Variants in CTNNA2 observed in about 807,000 individuals in gnomAD.
The protein encoded by CTNNA2 is catenin alpha-2.
Under a neutral mutation model 101.0 loss-of-function variants are expected in CTNNA2, and 42 were observed. That is an observed-to-expected ratio of 0.42 (90% confidence interval 0.32 to 0.54). The LOEUF (loss-of-function observed/expected upper bound fraction) is 0.54, where lower values mean the gene tolerates loss of function less well. Ranked by LOEUF, CTNNA2 falls within the 20% of genes least tolerant of loss-of-function variation. The pLI, the probability that CTNNA2 is intolerant of heterozygous loss-of-function variation, is 0.14. For missense variants in CTNNA2, 871 were observed against 1,223.1 expected (o/e 0.71, Z 4.29); for synonymous variants, 450 against 456.4 (o/e 0.99, Z 0.18).
At position 79,241,862 on chromosome 2, in the gene CTNNA2, C is replaced by T. The variant is rs185079477; in HGVS notation, c.-406+43786C>T. Among the ~76,000 whole-genome samples, 543 of 151,846 alleles carry T rather than the reference C, an allele frequency of 3.6e-3. 5 individuals are homozygous for T. Among genetic ancestry groups the T allele is most frequent in the African/African-American group, 0.012 (505 of 41,428 alleles). On this transcript the variant is annotated intron_variant, in intron 2 of 21. Transcript: ENST00000466387. ...GTTAGGAGACTAACACCTATAAAAA[C>T]AGCATCGAATCACATTTGGGTATTT...
At chr2:80,462,828 T>C (rs1180841580) in intron 9 of CTNNA2, among the ~76,000 whole-genome samples, 1 of 152,074 alleles carries the variant, frequency 6.6e-6, no homozygotes, top group Non-Finnish European at 1.5e-5. Context: ...GGTTTCTTTC[T>C]TGTCTTGGAG....
intron 18 of CTNNA2, among the ~76,000 whole-genome samples, chr2:80,629,387 T>C (rs1672039544): frequency 6.6e-6 from 1 of 152,176 alleles, no homozygotes; most frequent in Non-Finnish European, 1.5e-5. Flanking sequence ...CATTTCACTC[T>C]GTAAAACGAA....
chr2:80,289,167 A>G (rs1213082456), intron 7 of CTNNA2: 2 of 152,160 alleles, frequency 1.3e-5, no homozygotes, highest in Non-Finnish European at 2.9e-5. Context: ...TCAGAGAAGG[A>G]GGACTGGGGA....
intron 9 of CTNNA2, among the ~76,000 whole-genome samples, chr2:80,453,062 G>A (rs1265140269): frequency 6.6e-6 from 1 of 152,140 alleles, no homozygotes; most frequent in Non-Finnish European, 1.5e-5. Context: ...GCCACACCCA[G>A]TGGGAATTTG....
At chr2:79,621,928 G>C (rs1264594483) in intron 1 of CTNNA2, among the ~76,000 whole-genome samples, 1 of 152,116 alleles carries the variant, frequency 6.6e-6, no homozygotes, top group Non-Finnish European at 1.5e-5. Context: ...CAAAATACCT[G>C]ATGAGTATTT....
intron 3 of CTNNA2, among the ~76,000 whole-genome samples, chr2:79,317,306 G>A (rs1036475318): frequency 6.6e-6 from 1 of 151,982 alleles, no homozygotes; most frequent in Admixed American, 6.6e-5. Flanking sequence ...GATTCAGTTT[G>A]CTACTCTTTT....
chr2:79,505,271 T>G (rs1343763415), intron 5 of CTNNA2: 1 of 152,244 alleles, frequency 6.6e-6, no homozygotes, highest in Non-Finnish European at 1.5e-5. Flanking sequence ...CATTTTTTCT[T>G]CTTCACTCTC....
intron 7 of CTNNA2, among the ~76,000 whole-genome samples, chr2:80,251,062 CTTTAA>C (rs1394456840): frequency 6.6e-6 from 1 of 152,064 alleles, no homozygotes; most frequent in Non-Finnish European, 1.5e-5. Flanking sequence ...CATTTTTATA[CTTTAA>C]TTTTAGTCAT....
intron 11 of CTNNA2, among the ~76,000 whole-genome samples, chr2:80,551,275 G>A (rs878950880): frequency 2.6e-5 from 4 of 152,294 alleles, no homozygotes; most frequent in Admixed American, 2.6e-4. Context: ...ATAGAGCACA[G>A]GCAGAGTAGA....
At chr2:79,554,955 T>G (rs1235772196) in intron 1 of CTNNA2, among the ~76,000 whole-genome samples, 1 of 152,206 alleles carries the variant, frequency 6.6e-6, no homozygotes, top group Non-Finnish European at 1.5e-5. Context: ...AAATGCCATT[T>G]AGCAGCCATT....
At chr2:80,135,508 C>T (rs1015826243) in intron 7 of CTNNA2, among the ~76,000 whole-genome samples, 21 of 152,170 alleles carry the variant, frequency 1.4e-4, no homozygotes, top group African/African-American at 5.1e-4. Context: ...TGAGGTTGGG[C>T]AGATGTCCCA....
chr2:80,071,311 G>A (rs1698325942), intron 7 of CTNNA2, among the ~76,000 whole-genome samples: 1 of 152,202 alleles, frequency 6.6e-6, no homozygotes, highest in Non-Finnish European at 1.5e-5. Flanking sequence ...AAGTTTTGCT[G>A]AAATATACCT....
chr2:80,263,680 A>G (rs936943586), intron 7 of CTNNA2, among the ~76,000 whole-genome samples: 1 of 152,350 alleles, frequency 6.6e-6, no homozygotes, highest in South Asian at 2.1e-4. Context: ...CTCTCGCCAC[A>G]TAAGTGTTGT....
chr2:79,921,233 C>T (rs919306790), intron 7 of CTNNA2, among the ~76,000 whole-genome samples: 3 of 152,168 alleles, frequency 2.0e-5, no homozygotes, highest in Middle Eastern at 3.2e-3. Flanking sequence ...TGTTAGGGAA[C>T]ACCTGATGTA....
At chr2:80,543,873 T>C (rs1691801770) in intron 9 of CTNNA2, among the ~76,000 whole-genome samples, 1 of 152,188 alleles carries the variant, frequency 6.6e-6, no homozygotes, top group Non-Finnish European at 1.5e-5. Context: ...AGGGATTCTG[T>C]CTGCTAATCA....
At chr2:80,258,915 C>T (rs1425406000) in intron 7 of CTNNA2, among the ~76,000 whole-genome samples, 4 of 152,122 alleles carry the variant, frequency 2.6e-5, no homozygotes, top group East Asian at 1.9e-4. Flanking sequence ...CTCTCCTAAA[C>T]GTTACTGACA....
intron 3 of CTNNA2, among the ~76,000 whole-genome samples, chr2:79,821,803 C>T (rs1678029716): frequency 6.6e-6 from 1 of 152,130 alleles, no homozygotes; most frequent in Admixed American, 6.5e-5. Context: ...TGGAATGTTT[C>T]TTAACTGGTG....
chr2:79,357,909 A>T (rs1015307046), intron 3 of CTNNA2, among the ~76,000 whole-genome samples: 6 of 152,168 alleles, frequency 3.9e-5, no homozygotes, highest in Admixed American at 3.9e-4. Context: ...TTTCCTACAT[A>T]GATATGAGTT....
chr2:79,982,231 T>TGTACACACACACATAAC (rs1558697458), intron 7 of CTNNA2, among the ~76,000 whole-genome samples: 711 of 63,446 alleles, frequency 0.011, 52 homozygotes, highest in African/African-American at 0.039. Context: ...TATATATATA[T>TGTACACACACACATAAC]ATATATATAT....
Sources: allele counts gnomAD v4.1 joint callset (sites outside exome capture counted in the v4.1 genomes callset), GRCh38; gene constraint gnomAD v4.1.1; transcripts MANE v1.5; gene names NCBI Gene and HGNC (gene_info 2026-07-23, HGNC 2026-07-21).